Variants in ADAMTS12 observed in about 807,000 individuals in gnomAD.
ADAMTS12 encodes A disintegrin and metalloproteinase with thrombospondin motifs 12.
Under a neutral mutation model 167.8 loss-of-function variants are expected in ADAMTS12, and 118 were observed. The observed-to-expected ratio is 0.70, with a 90% CI of 0.61 to 0.82. The LOEUF (loss-of-function observed/expected upper bound fraction) is 0.82. ADAMTS12 is among the 40% of genes least tolerant of loss of function. The pLI is 0.00. For missense variants in ADAMTS12, 1,916 were observed against 1,998.8 expected (o/e 0.96, Z 0.79); for synonymous variants, 704 against 716.9 (o/e 0.98, Z 0.29).
chr5:33,531,388 T>G (rs559065825), intron 23 of ADAMTS12, among the ~76,000 whole-genome samples: 1 of 152,340 alleles, frequency 6.6e-6, no homozygotes, highest in South Asian at 2.1e-4. Flanking sequence ...CAGATACAAA[T>G]TATTAAGCAT....
chr5:33,682,473 G>A (rs1184636311), intron 5 of ADAMTS12, among the ~76,000 whole-genome samples: 1 of 151,586 alleles, frequency 6.6e-6, no homozygotes, highest in Non-Finnish European at 1.5e-5. Flanking sequence ...TAACATATAA[G>A]TCTCTTACAT....
intron 14 of ADAMTS12, among the ~76,000 whole-genome samples, chr5:33,622,700 A>G (rs1739393762): frequency 1.3e-5 from 2 of 152,110 alleles, no homozygotes; most frequent in South Asian, 4.1e-4. Flanking sequence ...TAAATGCAGA[A>G]ATACGATTTT....
chr5:33,549,385 T>C lies in ADAMTS12; in HGVS notation c.4126-2A>G, dbSNP rs150294231. Reference sequence around the variant, plus strand: ...GCCCCCACTGCAGTTTCTGGAGCACTGTATGGAGAGAAAAATCAAAGGCGA... The same window carrying C: ...GCCCCCACTGCAGTTTCTGGAGCACCGTATGGAGAGAAAAATCAAAGGCGA... On this transcript the variant is annotated splice_acceptor_variant, in intron 20 of 23. Coordinates refer to ENST00000504830, the MANE Select transcript of ADAMTS12 (RefSeq NM_030955.4). LOFTEE classifies it high-confidence loss of function. The C allele has an allele frequency of 1.5e-5, 24 of 1,604,938 alleles. No individual in the cohort carries two copies. The highest frequency in any genetic ancestry group is 2.0e-5 in the Non-Finnish European group (23 of 1,172,500).
Position 33,534,974 on chromosome 5 carries a change from C to T in ADAMTS12, c.4465G>A (p.Gly1489Ser). ...TGGACAGTCCTCTTCTGAAAGCCAC[C>T]TCCACAGGAAGTGGAACACTGAAAG... ...NWDLCSTSCG[G>S]GFQKRTVQCV... The change falls in exon 23 of 24, where the codon GGT (glycine) becomes AGT (serine). Residue 1489 changes from glycine (G) to serine (S), a missense_variant. Transcript: ENST00000504830. 6.2e-7 allele frequency: 1 copy of T among 1,608,326 alleles called. No individual in the cohort carries two copies. Among genetic ancestry groups the T allele is most frequent in the Non-Finnish European group, 8.5e-7 (1 of 1,178,492 alleles).
At chr5:33,766,858 G>A (rs962864541) in intron 2 of ADAMTS12, among the ~76,000 whole-genome samples, 3 of 152,180 alleles carry the variant, frequency 2.0e-5, no homozygotes, top group Admixed American at 1.3e-4. Flanking sequence ...GTGGGAAAGT[G>A]AGGACTGCAT....
At chr5:33,830,760 C>A (rs1247614439) in intron 2 of ADAMTS12, among the ~76,000 whole-genome samples, 1 of 152,082 alleles carries the variant, frequency 6.6e-6, no homozygotes, top group Non-Finnish European at 1.5e-5. Context: ...CCACCGCACT[C>A]CAGCCTAGGC....
intron 18 of ADAMTS12, among the ~76,000 whole-genome samples, chr5:33,578,937 AAAT>A (rs4049321): frequency 6.6e-6 from 1 of 152,082 alleles, no homozygotes; most frequent in African/African-American, 2.4e-5. Flanking sequence ...ATTTGTTTTG[AAAT>A]AATAATAATA....
intron 2 of ADAMTS12, among the ~76,000 whole-genome samples, chr5:33,879,153 G>A (rs1750335345): frequency 6.6e-6 from 1 of 152,080 alleles, no homozygotes; most frequent in Non-Finnish European, 1.5e-5. Flanking sequence ...CTTTAAGTGG[G>A]TTAACCGTAT....
chr5:33,832,582 A>G (rs1748341421), intron 2 of ADAMTS12, among the ~76,000 whole-genome samples: 1 of 152,234 alleles, frequency 6.6e-6, no homozygotes, highest in African/African-American at 2.4e-5. Flanking sequence ...TTAAAGACTC[A>G]GCAAAACGTG....
At chr5:33,630,548 G>A (rs1355887389) in intron 13 of ADAMTS12, among the ~76,000 whole-genome samples, 1 of 152,122 alleles carries the variant, frequency 6.6e-6, no homozygotes, top group South Asian at 2.1e-4. Context: ...ATATCGTAGT[G>A]CACATCAACT....
intron 2 of ADAMTS12, among the ~76,000 whole-genome samples, chr5:33,861,042 T>C (rs537645659): frequency 8.6e-5 from 13 of 152,036 alleles, no homozygotes; most frequent in African/African-American, 2.9e-4. Context: ...ACACTAAATA[T>C]GGAAAGGAAA....
chr5:33,738,864 T>C (rs1035135204), intron 3 of ADAMTS12, among the ~76,000 whole-genome samples: 4 of 152,222 alleles, frequency 2.6e-5, no homozygotes, highest in African/African-American at 7.2e-5. Flanking sequence ...GGGGAGAAGA[T>C]GCTTTACAGA....
chr5:33,858,289 G>T (rs1053802688), intron 2 of ADAMTS12, among the ~76,000 whole-genome samples: 7 of 152,152 alleles, frequency 4.6e-5, no homozygotes, highest in Admixed American at 4.6e-4. Context: ...AAATCAAAAT[G>T]TAACATATCA....
intron 2 of ADAMTS12, among the ~76,000 whole-genome samples, chr5:33,759,887 G>C (rs1022019996): frequency 5.9e-5 from 9 of 152,122 alleles, no homozygotes; most frequent in Non-Finnish European, 1.0e-4. Flanking sequence ...CAATAAAGTG[G>C]ATTTTTAGAA....
Position 33,624,268 on chromosome 5 carries a change from C to G in ADAMTS12, c.2106G>C (p.Gln702His). 6.2e-7 allele frequency: 1 copy of G among 1,614,156 alleles called. No individual in the cohort carries two copies. Among genetic ancestry groups the G allele is most frequent in the Non-Finnish European group, 8.5e-7 (1 of 1,179,996 alleles). ...TCTGCTTAAACATCTTTCTCACAGT[C>G]TGGCAGGAAGAGCCATCTCCCAGGC... ...GVCLGDGSSC[Q>H]TVRKMFKQKE... Residue 702 changes from glutamine (Q) to histidine (H), a missense_variant, in exon 14 of 24, where the codon CAG becomes CAC. Physicochemically the swap from Gln to His is conservative, Grantham distance 24 (BLOSUM62 0). Transcript: ENST00000504830.
intron 19 of ADAMTS12, among the ~76,000 whole-genome samples, chr5:33,573,648 A>G (rs1442252509): frequency 6.6e-6 from 1 of 152,208 alleles, no homozygotes; most frequent in Non-Finnish European, 1.5e-5. Flanking sequence ...AAACCCTAGA[A>G]GAAAACCTAG....
At chr5:33,839,396 G>C (rs1039867602) in intron 2 of ADAMTS12, among the ~76,000 whole-genome samples, 16 of 152,166 alleles carry the variant, frequency 1.1e-4, no homozygotes, top group African/African-American at 3.6e-4. Flanking sequence ...CTGAATTTTG[G>C]TGTATGCTGT....
chr5:33,795,678 G>A (rs1426260100), intron 2 of ADAMTS12, among the ~76,000 whole-genome samples: 1 of 152,162 alleles, frequency 6.6e-6, no homozygotes, highest in African/African-American at 2.4e-5. Flanking sequence ...GAGCTGGGAT[G>A]TGGGAGCCAT....
intron 22 of ADAMTS12, among the ~76,000 whole-genome samples, chr5:33,538,373 C>G (rs1744516509): frequency 1.3e-5 from 2 of 152,198 alleles, no homozygotes; most frequent in Admixed American, 1.3e-4. Context: ...CACTGGGTCT[C>G]TCCCTTGACA....
Sources: gnomAD v4.1 joint callset for allele counts (sites outside exome capture counted in the v4.1 genomes callset) on GRCh38, gnomAD v4.1.1 for gene constraint, MANE v1.5 for transcripts, NCBI Gene and HGNC (gene_info 2026-07-23, HGNC 2026-07-21) for gene names.